NIPSNAP3B: variants seen among roughly 807,000 people sequenced by gnomAD.
The protein encoded by NIPSNAP3B is protein NipSnap homolog 3B.
Under a neutral mutation model 31.5 loss-of-function variants are expected in NIPSNAP3B, and 30 were observed. The observed-to-expected ratio is 0.95, with a 90% CI of 0.71 to 1.29. The LOEUF is 1.29. Ranked by LOEUF, NIPSNAP3B falls within the 50% of genes most tolerant of loss-of-function variation. NIPSNAP3B has a pLI of 0.00. For missense variants in NIPSNAP3B, 269 were observed against 300.7 expected, an observed-to-expected ratio of 0.89 and a Z score of 0.78; for synonymous variants, 106 against 107.9, an observed-to-expected ratio of 0.98 and a Z score of 0.11.
chr9:104,764,264 G>C lies in NIPSNAP3B; in HGVS notation c.24G>C (p.Leu8=). The C allele has an allele frequency of 6.3e-7, 1 of 1,599,896 alleles. No individual in the cohort carries two copies. The highest frequency in any genetic ancestry group is 1.7e-5 in the Admixed American group (1 of 58,240). MLVLRSG[L]TKALASRTLA... ...CCATGCTCGTTCTCAGAAGCGGCCTGACCAAGGCGCTTGCCTCACGGACGC... is the reference window on the plus strand; with the variant it reads ...CCATGCTCGTTCTCAGAAGCGGCCTCACCAAGGCGCTTGCCTCACGGACGC... Residue 8 remains leucine (L), a synonymous_variant, in exon 1 of 6, where the codon CTG becomes CTC. Coordinates refer to ENST00000374762, the MANE Select transcript of NIPSNAP3B (RefSeq NM_018376.4).
At chr9:104,788,121 A>G in the NIPSNAP3B span, 2 of 1,509,792 alleles carry the variant, frequency 1.3e-6, no homozygotes, top group Non-Finnish European at 1.8e-6. Flanking sequence ...TCCTACACAT[A>G]CATGTATGAA....
downstream of NIPSNAP3B, among the ~76,000 whole-genome samples, chr9:104,779,407 TG>T (rs1327641902): frequency 6.6e-5 from 10 of 152,036 alleles, no homozygotes; most frequent in African/African-American, 2.4e-4. Context: ...GATGCTGATG[TG>T]ATTTTACAAG....
Position 104,774,910 on chromosome 9 carries a change from A to G in NIPSNAP3B, c.*1837A>G, listed in dbSNP as rs1828301205. 6.6e-6 allele frequency among the ~76,000 whole-genome samples: 1 copy of G among 152,074 alleles called. No homozygotes were observed. The highest frequency in any genetic ancestry group is 2.4e-5 in the African/African-American group (1 of 41,398). On this transcript the variant is annotated 3_prime_UTR_variant, in exon 6 of 6. Transcript: ENST00000374762. ...TGCGCGTCCATCTTCATTCTTAGCC[A>G]ATGACCTTTCCTTTTACTTAACAGA...
At chr9:104,780,675 C>T (rs1372652698), downstream of NIPSNAP3B, among the ~76,000 whole-genome samples, 1 of 152,176 alleles carries the variant, frequency 6.6e-6, no homozygotes, top group Non-Finnish European at 1.5e-5. Context: ...GCCTTTGTAG[C>T]TTCCCCTATA....
intron 3 of NIPSNAP3B, among the ~76,000 whole-genome samples, chr9:104,769,418 C>CACT (rs1231699667): frequency 6.9e-6 from 1 of 144,290 alleles, no homozygotes; most frequent in African/African-American, 2.6e-5. Flanking sequence ...CTCGCCACTG[C>CACT]ACTCCAGCCT....
At chr9:104,781,824 AAT>A (rs1163904464), downstream of NIPSNAP3B, 1 of 152,628 alleles carries the variant, frequency 6.6e-6, no homozygotes, top group Non-Finnish European at 1.5e-5. Flanking sequence ...TTCCACAGGG[AAT>A]ATACAGAAAT....
At chr9:104,766,887 G>A (rs1828100237) in intron 2 of NIPSNAP3B, among the ~76,000 whole-genome samples, 1 of 152,042 alleles carries the variant, frequency 6.6e-6, no homozygotes, top group African/African-American at 2.4e-5. Flanking sequence ...AGTGGGTTAA[G>A]ATCACCGTTG....
At chr9:104,772,082 T>G (rs974050408) in intron 4 of NIPSNAP3B, among the ~76,000 whole-genome samples, 1 of 152,208 alleles carries the variant, frequency 6.6e-6, no homozygotes, top group Non-Finnish European at 1.5e-5. Flanking sequence ...ATTCTTTTTT[T>G]CTCTTATAAA....
At chr9:104,781,819 C>T (rs1382886680), downstream of NIPSNAP3B, 1 of 152,548 alleles carries the variant, frequency 6.6e-6, no homozygotes, top group Non-Finnish European at 1.5e-5. Flanking sequence ...GTACATTCCA[C>T]AGGGAATATA....
chr9:104,773,177 G>T lies in NIPSNAP3B; in HGVS notation c.*104G>T, dbSNP rs754612494. The T allele has an allele frequency of 4.1e-4, 460 of 1,123,744 alleles. 3 individuals carry two copies. Among genetic ancestry groups the T allele is most frequent in the Middle Eastern group, 4.1e-3 (14 of 3,430 alleles). The allele number at this position is 1,123,744 out of a possible 1,614,324, so 69.6% of individuals were successfully genotyped here. On this transcript the variant is annotated 3_prime_UTR_variant, in exon 6 of 6. Coordinates refer to ENST00000374762, the MANE Select transcript of NIPSNAP3B (RefSeq NM_018376.4). ...TTCTCGCTTTTATTTGAAGGAGGTG[G>T]TAAGTTAATTAGTTAATTTGCTGTG... is the stretch of plus-strand genomic sequence containing the variant.
Position 104,776,644 on chromosome 9 carries a change from A to G in NIPSNAP3B, c.*3571A>G, listed in dbSNP as rs1344962958. Among the ~76,000 whole-genome samples the G allele has an allele frequency of 1.3e-5, 2 of 152,152 alleles. No individual in the cohort carries two copies. The highest frequency in any genetic ancestry group is 2.9e-5 in the Non-Finnish European group (2 of 68,032). On this transcript the variant is annotated 3_prime_UTR_variant, in exon 6 of 6. Coordinates refer to ENST00000374762, the MANE Select transcript of NIPSNAP3B (RefSeq NM_018376.4). Reference sequence around the variant, plus strand: ...GTTTGTTGTTTAAGCCACCCTGTCTATGGTACTCTTGTTACAGCAACCTGA... The same window carrying G: ...GTTTGTTGTTTAAGCCACCCTGTCTGTGGTACTCTTGTTACAGCAACCTGA...
the NIPSNAP3B span, among the ~76,000 whole-genome samples, chr9:104,789,352 G>A: frequency 6.6e-6 from 1 of 152,206 alleles, no homozygotes; most frequent in Middle Eastern, 3.2e-3. Context: ...GGTACTAGGA[G>A]CAAGCCTAGG....
chr9:104,788,144 G>T, the NIPSNAP3B span: 1 of 1,384,916 alleles, frequency 7.2e-7, no homozygotes, highest in Non-Finnish European at 1.0e-6. Flanking sequence ...TTCTTTCACT[G>T]AGTAGGACTA....
At position 104,766,383 on chromosome 9, in the gene NIPSNAP3B, G is replaced by A. The variant is rs145226608; in HGVS notation, c.119G>A (p.Arg40His). The A allele has an allele frequency of 8.1e-5, 131 of 1,613,626 alleles. No individual in the cohort carries two copies. In the South Asian group the frequency reaches 1.1e-3, roughly 14 times the overall value. ...TACGATGGAACGTTCTATGAATTTC[G>A]TACTTATTACCTTAAACCTTCAAAT... The part of the protein sequence containing the change: ...RQYDGTFYEF[R>H]TYYLKPSNMN... The change falls in exon 2 of 6, where the codon CGT (arginine) becomes CAT (histidine). Residue 40 changes from arginine to histidine, a missense_variant. Coordinates refer to ENST00000374762, the MANE Select transcript of NIPSNAP3B (RefSeq NM_018376.4).
chr9:104,784,423 A>G, the NIPSNAP3B span: 2 of 1,614,144 alleles, frequency 1.2e-6, no homozygotes, highest in East Asian at 2.2e-5. Flanking sequence ...AGTGGTCATC[A>G]TCACTTTGGT....
Position 104,772,913 on chromosome 9 carries a change from G to T in NIPSNAP3B, c.667+5G>T. Reference sequence around the variant, plus strand: ...ATCCCAGAGTTGTGGCGGCTGGTAAGCTGTTTCACTAAGCACGAATTATTT... The same window carrying T: ...ATCCCAGAGTTGTGGCGGCTGGTAATCTGTTTCACTAAGCACGAATTATTT... On this transcript the variant is annotated splice_donor_5th_base_variant and intron_variant, in intron 5 of 5. Coordinates refer to ENST00000374762, the MANE Select transcript of NIPSNAP3B (RefSeq NM_018376.4). 1 of 1,613,594 alleles carries T rather than the reference G, an allele frequency of 6.2e-7. No homozygotes were observed. Among genetic ancestry groups the T allele is most frequent in the Non-Finnish European group, 8.5e-7 (1 of 1,179,798 alleles).
At chr9:104,784,389 T>A in the NIPSNAP3B span, 1 of 1,614,106 alleles carries the variant, frequency 6.2e-7, no homozygotes. Context: ...ACTGTCTGGT[T>A]TTTGTGTAAT....
At chr9:104,768,305 A>C (rs1828131980) in intron 2 of NIPSNAP3B, among the ~76,000 whole-genome samples, 1 of 152,196 alleles carries the variant, frequency 6.6e-6, no homozygotes. Flanking sequence ...GTTGTTCAAA[A>C]AAGAGGCTTA....
At chr9:104,778,464 T>G (rs12338431), downstream of NIPSNAP3B, among the ~76,000 whole-genome samples, 7,131 of 152,178 alleles carry the variant, frequency 0.047, 443 homozygotes, top group East Asian at 0.22. Context: ...TGACCTCAAG[T>G]GATCCACCCG....
Sources: gnomAD v4.1 joint callset for allele counts (sites outside exome capture counted in the v4.1 genomes callset) on GRCh38, gnomAD v4.1.1 for gene constraint, MANE v1.5 for transcripts, NCBI Gene and HGNC (gene_info 2026-07-23, HGNC 2026-07-21) for gene names.